The following AREL1 variants were observed in gnomAD, a reference collection of about 807,000 sequenced individuals.
AREL1 encodes the protein apoptosis-resistant E3 ubiquitin protein ligase 1.
Under a neutral mutation model 99.0 loss-of-function variants are expected in AREL1, and 62 were observed. The observed-to-expected ratio is 0.63, with a 90% confidence interval of 0.51 to 0.77. The LOEUF (loss-of-function observed/expected upper bound fraction) is 0.77, where lower values mean the gene tolerates loss of function less well. AREL1 is among the 30% of genes least tolerant of loss of function. AREL1 has a pLI of 0.00. For missense variants in AREL1, 879 were observed against 1,027.6 expected (o/e 0.86, Z 1.98); for synonymous variants, 380 against 376.5 (o/e 1.01, Z -0.11).
intron 5 of AREL1, among the ~76,000 whole-genome samples, chr14:74,677,211 G>A (rs2089505566): frequency 6.6e-6 from 1 of 151,890 alleles, no homozygotes; most frequent in African/African-American, 2.4e-5. Flanking sequence ...AAGAGGAAGA[G>A]AGGCCAGGTG....
At chr14:74,666,895 T>C (rs1363672729) in intron 17 of AREL1, among the ~76,000 whole-genome samples, 1 of 152,020 alleles carries the variant, frequency 6.6e-6, no homozygotes, top group Non-Finnish European at 1.5e-5. Context: ...AATTTTTGTA[T>C]TTTCAGTAGA....
intron 1 of AREL1, among the ~76,000 whole-genome samples, chr14:74,702,297 G>A (rs535025445): frequency 6.6e-6 from 1 of 152,324 alleles, no homozygotes; most frequent in East Asian, 1.9e-4. Context: ...ACATTCAGGA[G>A]TTTCCATACA....
At chr14:74,700,941 G>A (rs1355929469) in intron 1 of AREL1, among the ~76,000 whole-genome samples, 1 of 152,150 alleles carries the variant, frequency 6.6e-6, no homozygotes, top group Non-Finnish European at 1.5e-5. Context: ...AGACTCTGAA[G>A]GGGGACAGAC....
chr14:74,689,587 CTTTTCTTTTTTTT>C (rs1303528880), intron 2 of AREL1, among the ~76,000 whole-genome samples: 5 of 113,714 alleles, frequency 4.4e-5, no homozygotes, highest in Non-Finnish European at 9.8e-5. Context: ...TCTTATAGCA[CTTTTCTTTTTTTT>C]TTTTTTTTTT....
At position 74,675,299 on chromosome 14, in the gene AREL1, C is replaced by T. The variant is rs1306715775; in HGVS notation, c.1080+400G>A. The stretch of plus-strand genomic sequence containing the variant: ...ATTAAAGAGATGCAATGGGATGTTT[C>T]ACAGAGTCTCATTTTTATGAGGACT... On this transcript the variant is annotated intron_variant, in intron 8 of 19. Transcript: ENST00000356357. Among the ~76,000 whole-genome samples the T allele has an allele frequency of 2.0e-5, 3 of 152,182 alleles. No individual in the cohort carries two copies. The East Asian group carries it at 5.8e-4, about 29-fold the overall frequency.
chr14:74,698,529 C>A (rs193005238), intron 1 of AREL1, among the ~76,000 whole-genome samples: 1 of 152,176 alleles, frequency 6.6e-6, no homozygotes, highest in Non-Finnish European at 1.5e-5. Flanking sequence ...TACTGGGCTA[C>A]GTGATAAAAG....
rs756807671 is a variant in AREL1, at chr14:74,685,639, C to T, written c.-24G>A. The T allele has an allele frequency of 1.9e-6, 3 of 1,614,172 alleles. No individual in the cohort carries two copies. The highest frequency in any genetic ancestry group is 1.7e-5 in the Admixed American group (1 of 60,026). On this transcript the variant is annotated 5_prime_UTR_variant, in exon 3 of 20. Coordinates refer to ENST00000356357, the MANE Select transcript of AREL1 (RefSeq NM_001039479.2). ...ATCAGGTCCCGTCAATGCCAACAGA[C>T]AGCCGAGGATCACAGCTGCAGCTGT...
Position 74,683,176 on chromosome 14 carries a change from T to G in AREL1, c.481+120A>C, listed in dbSNP as rs1012595283. 6.8e-6 allele frequency: 5 copies of G among 736,472 alleles called. No homozygotes were observed. The African/African-American group carries it at 8.9e-5, about 13-fold the overall frequency. The allele number at this position is 736,472 out of a possible 1,614,324, so 45.6% of individuals were successfully genotyped here. On this transcript the variant is annotated intron_variant, in intron 5 of 19. Transcript: ENST00000356357. ...CATTAAACTGTATACTTTAAAAGGA[T>G]GAATTTTATGGCATGGGAATTAAAT...
At position 74,685,664 on chromosome 14, in the gene AREL1, TTA is replaced by T; in HGVS notation, c.-45-6_-45-5del. 2 of 1,612,964 alleles carry T rather than the reference TTA, an allele frequency of 1.2e-6. No homozygotes were observed. The highest frequency in any genetic ancestry group is 1.7e-6 in the Non-Finnish European group (2 of 1,179,520). ...CAGCCGAGGATCACAGCTGCAGCTG[TTA>T]AAAGAAAACTTGTTTAGTTTTTGTC... On this transcript the variant is annotated splice_polypyrimidine_tract_variant and splice_region_variant and intron_variant, in intron 2 of 19. Coordinates refer to ENST00000356357, the MANE Select transcript of AREL1 (RefSeq NM_001039479.2).
chr14:74,691,669 C>T (rs1389336193), intron 2 of AREL1, among the ~76,000 whole-genome samples: 1 of 152,174 alleles, frequency 6.6e-6, no homozygotes, highest in South Asian at 2.1e-4. Flanking sequence ...TTGCTTAATA[C>T]TACAGCATTT....
rs1329811685 is a variant in AREL1, at chr14:74,673,119, T to C, written c.1258A>G (p.Ile420Val). 6.2e-7 allele frequency: 1 copy of C among 1,614,206 alleles called. No individual in the cohort carries two copies. Among genetic ancestry groups the C allele is most frequent in the Non-Finnish European group, 8.5e-7 (1 of 1,180,040 alleles). ...PVELSCKERN[I>V]LAATFIRSLH... ...GAGCGGATAAAAGTGGCTGCTAGAA[T>C]GTTCCTCTCCTTACAGCTGAGCTCC... Residue 420 changes from isoleucine (I) to valine (V), a missense_variant, in exon 10 of 20, where the codon ATT becomes GTT. Ile to Val is a conservative substitution (Grantham distance 29). Transcript: ENST00000356357.
chr14:74,674,018 G>A lies in AREL1; in HGVS notation c.1158+16C>T. Reference sequence around the variant, plus strand: ...GAAGCATGCTTGATGTGAACCAGATGTAAGGTTCAGCTTACTTTTGTTCCT... The same window carrying A: ...GAAGCATGCTTGATGTGAACCAGATATAAGGTTCAGCTTACTTTTGTTCCT... On this transcript the variant is annotated intron_variant, in intron 9 of 19. Transcript: ENST00000356357. 4.4e-6 allele frequency: 7 copies of A among 1,592,762 alleles called. No individual in the cohort carries two copies. In the South Asian group the frequency reaches 7.7e-5, roughly 18 times the overall value.
At position 74,667,333 on chromosome 14, in the gene AREL1, C is replaced by T. The variant is rs770551853; in HGVS notation, c.2089G>A (p.Glu697Lys). The change falls in exon 17 of 20, where the codon GAG (glutamate) becomes AAG (lysine). Residue 697 changes from glutamate to lysine, a missense_variant. Physicochemically the swap from Glu to Lys is moderately conservative, Grantham distance 56. Transcript: ENST00000356357. ...CAATCACTTACCTCAAGCTCATTCT[C>T]ATCAAAAATAGCCAAAAGGTTCTCA... Reference protein sequence around the residue: ...VPENLLAIFDENELELLMCGT... With the variant: ...VPENLLAIFDKNELELLMCGT... 1.2e-6 allele frequency: 2 copies of T among 1,614,098 alleles called. No homozygotes were observed. Among genetic ancestry groups the T allele is most frequent in the Non-Finnish European group, 8.5e-7 (1 of 1,180,006 alleles).
At chr14:74,683,052 G>A (rs1221825292) in intron 5 of AREL1, among the ~76,000 whole-genome samples, 1 of 152,046 alleles carries the variant, frequency 6.6e-6, no homozygotes, top group Non-Finnish European at 1.5e-5. Flanking sequence ...AGGTCTGGGG[G>A]ATTTGGGGGA....
At chr14:74,665,270 CTT>C (rs546774095) in intron 17 of AREL1, among the ~76,000 whole-genome samples, 12 of 136,348 alleles carry the variant, frequency 8.8e-5, no homozygotes, top group Admixed American at 1.5e-4. Flanking sequence ...TCTTTCTTTT[CTT>C]TTTTTTTTTT....
At chr14:74,669,503 C>A (rs1054026621) in intron 15 of AREL1, 146 bp downstream of exon 15, 7 of 1,021,324 alleles carry the variant, frequency 6.9e-6, no homozygotes, top group Middle Eastern at 2.2e-4. Flanking sequence ...ATGAGAAGTT[C>A]ACTTATTATG....
chr14:74,675,814 G>A lies in AREL1; in HGVS notation c.965C>T (p.Ser322Phe). The A allele has an allele frequency of 6.2e-7, 1 of 1,614,194 alleles. No individual in the cohort carries two copies. Residue 322 changes from serine to phenylalanine, a missense_variant, in exon 8 of 20, where the codon TCC becomes TTC. Coordinates refer to ENST00000356357, the MANE Select transcript of AREL1 (RefSeq NM_001039479.2). Reference protein sequence around the residue: ...WHLPPMHMTSSQRRPSTAVDE... With the variant: ...WHLPPMHMTSFQRRPSTAVDE... ...AACAGCAGTGGATGGCCGGCGCTGG[G>A]AAGAGGTCATGTGCATGGGTGGCAG...
intron 5 of AREL1, among the ~76,000 whole-genome samples, chr14:74,682,806 C>T (rs545204403): frequency 6.6e-6 from 1 of 152,364 alleles, no homozygotes; most frequent in African/African-American, 2.4e-5. Context: ...CTTGCTCCCT[C>T]TCTCACCATT....
intron 1 of AREL1, among the ~76,000 whole-genome samples, chr14:74,703,629 T>A (rs777388158): frequency 6.6e-6 from 1 of 152,224 alleles, no homozygotes; most frequent in Non-Finnish European, 1.5e-5. Context: ...CTTAGCATAA[T>A]GGTTCTTAGA....
Sources: allele counts gnomAD v4.1 joint callset (sites outside exome capture counted in the v4.1 genomes callset), GRCh38; gene constraint gnomAD v4.1.1; transcripts MANE v1.5; gene names NCBI Gene and HGNC (gene_info 2026-07-23, HGNC 2026-07-21).